The following CDH15 variants were observed in gnomAD, a reference collection of about 807,000 sequenced individuals.
The protein encoded by CDH15 is cadherin-15.
CDH15 carries 73 observed loss-of-function variants against 69.4 expected under a neutral mutation model. That is an observed-to-expected ratio of 1.05 (90% CI 0.87 to 1.28). The LOEUF (loss-of-function observed/expected upper bound fraction) is 1.28. Among genes scored for constraint, CDH15 ranks in the 50% most tolerant of loss-of-function variants. CDH15 has a pLI of 0.00. For missense variants in CDH15, 1,343 were observed against 1,133.6 expected, an observed-to-expected ratio of 1.18 and a Z score of -2.65; for synonymous variants, 624 against 507.7, an observed-to-expected ratio of 1.23 and a Z score of -3.08.
rs759339356 is a variant in CDH15 at position 89,191,373 on chromosome 16, G to A, written c.1276G>A (p.Ala426Thr). ...YDPEDWLQVD[A>T]ATGRIQTQHV... is the part of the protein sequence containing the mutation. ...CCCGGAAGACTGGCTGCAAGTGGAC[G>A]CAGCCACTGGCCGGATCCAGACCCA... Residue 426 changes from alanine to threonine, a missense_variant, in exon 9 of 14, where the codon GCA becomes ACA. By Grantham distance (58) the Ala-to-Thr change is moderately conservative. Transcript: ENST00000289746. The A allele has an allele frequency of 2.2e-5, 35 of 1,611,994 alleles. No homozygotes were observed. The Admixed American group carries it at 3.2e-4, about 15-fold the overall frequency.
intron 1 of CDH15, among the ~76,000 whole-genome samples, chr16:89,173,217 C>T (rs1282677831): frequency 6.6e-6 from 1 of 152,198 alleles, no homozygotes; most frequent in Non-Finnish European, 1.5e-5. Flanking sequence ...GGCTGGGGGG[C>T]TCCATGCCTC....
At position 89,174,034 on chromosome 16, in the gene CDH15, G is replaced by A. The variant is rs186670509; in HGVS notation, c.42+2161G>A. ...GGGGCCAGGCAGGGGCTCTTAGCTC[G>A]GGTGACTGTGACCAAGGCCAAGAAG... On this transcript the variant is annotated intron_variant, in intron 1 of 13. Transcript: ENST00000289746. Among the ~76,000 whole-genome samples, 495 of 152,318 alleles carry A rather than the reference G, an allele frequency of 3.2e-3. 3 individuals carry two copies. Among genetic ancestry groups the A allele is most frequent in the African/African-American group, 0.011 (461 of 41,540 alleles).
chr16:89,185,621 G>A (rs1382478987), intron 5 of CDH15: 4 of 516,160 alleles, frequency 7.7e-6, no homozygotes, highest in African/African-American at 1.9e-5. Context: ...TCATGGCAAC[G>A]GCTCCCCGCT....
Position 89,188,081 on chromosome 16 carries a change from G to C in CDH15, c.793-19G>C. The C allele has an allele frequency of 6.2e-7, 1 of 1,600,834 alleles. No homozygotes were observed. The highest frequency in any genetic ancestry group is 8.5e-7 in the Non-Finnish European group (1 of 1,174,480). The stretch of plus-strand genomic sequence containing the variant: ...CCCCCCAGCCCTGCTGGTAACTGGG[G>C]CTGGGATCCCCCACCCAGTTCTTCA... On this transcript the variant is annotated intron_variant, in intron 6 of 13. Coordinates refer to ENST00000289746, the MANE Select transcript of CDH15 (RefSeq NM_004933.3).
chr16:89,190,530 AGGCTAAC>A, intron 8 of CDH15, 34 bp downstream of exon 8: 2 of 1,567,378 alleles, frequency 1.3e-6, no homozygotes, highest in African/African-American at 1.3e-5. Context: ...GAGGTAGAGG[AGGCTAAC>A]GGCCCCATTC....
rs754400205 is a variant in CDH15 at position 89,171,812 on chromosome 16, C to G, written c.-20C>G. The G allele has an allele frequency of 5.8e-5, 90 of 1,549,320 alleles. No individual in the cohort carries two copies. The highest frequency in any genetic ancestry group is 5.0e-4 in the Middle Eastern group (3 of 5,992). On this transcript the variant is annotated 5_prime_UTR_variant, in exon 1 of 14. Coordinates refer to ENST00000289746, the MANE Select transcript of CDH15 (RefSeq NM_004933.3). ...TTCGGGTCGCGGGTGCACTCCGGCC[C>G]GGCTCCCGCCTCGGCCCCGATGGAC...
intron 10 of CDH15, 150 bp from the exon 11 acceptor site, chr16:89,192,055 C>T: frequency 2.7e-6 from 3 of 1,111,284 alleles, no homozygotes; most frequent in Non-Finnish European, 3.8e-6. Flanking sequence ...TCCCGTGGGG[C>T]AGGGTTACTC....
chr16:89,194,696 G>A (rs1303014845), intron 13 of CDH15, among the ~76,000 whole-genome samples, 166 bp from the exon 14 acceptor site: 1 of 152,202 alleles, frequency 6.6e-6, no homozygotes, highest in Non-Finnish European at 1.5e-5. Flanking sequence ...CCCTGCTGCT[G>A]TGCCCTCAGG....
intron 1 of CDH15, 120 bp downstream of exon 1, chr16:89,171,993 C>A: frequency 9.1e-7 from 1 of 1,096,964 alleles, no homozygotes; most frequent in Non-Finnish European, 1.3e-6. Flanking sequence ...CTTTGGGGGC[C>A]TGTGAGCGGA....
chr16:89,175,283 G>T (rs1404291423), intron 1 of CDH15, among the ~76,000 whole-genome samples: 1 of 152,256 alleles, frequency 6.6e-6, no homozygotes, highest in Non-Finnish European at 1.5e-5. Context: ...GGAAACGTCT[G>T]CCCGGGTGGG....
At chr16:89,188,970 CAT>C (rs1453683969) in intron 7 of CDH15, among the ~76,000 whole-genome samples, 1 of 147,910 alleles carries the variant, frequency 6.8e-6, no homozygotes, top group African/African-American at 2.5e-5. Flanking sequence ...TGCTGGCACA[CAT>C]AGATGCCCAC....
intron 3 of CDH15, among the ~76,000 whole-genome samples, chr16:89,180,914 G>A (rs1010607661): frequency 5.4e-5 from 8 of 149,462 alleles, no homozygotes; most frequent in Non-Finnish European, 1.0e-4. Flanking sequence ...TAGTAGAGAC[G>A]GGGTTTCACT....
chr16:89,187,739 G>A (rs1413299289), intron 6 of CDH15, among the ~76,000 whole-genome samples, 182 bp downstream of exon 6: 2 of 152,228 alleles, frequency 1.3e-5, no homozygotes, highest in Non-Finnish European at 2.9e-5. Context: ...GCGTGGCAGT[G>A]TGTGAATGGA....
chr16:89,184,379 C>A (rs534477930), intron 4 of CDH15, among the ~76,000 whole-genome samples: 1 of 152,212 alleles, frequency 6.6e-6, no homozygotes, highest in South Asian at 2.1e-4. Flanking sequence ...CACCCCACCT[C>A]GGTGGCTAAG....
chr16:89,185,187 A>G lies in CDH15; in HGVS notation c.517A>G (p.Arg173Gly). 2 of 1,601,640 alleles carry G rather than the reference A, an allele frequency of 1.2e-6. No individual in the cohort carries two copies. Among genetic ancestry groups the G allele is most frequent in the South Asian group, 2.2e-5 (2 of 89,312 alleles). The change falls in exon 5 of 14, where the codon AGG becomes GGG. Residue 173 changes from arginine (R) to glycine (G), a missense_variant. Coordinates refer to ENST00000289746, the MANE Select transcript of CDH15 (RefSeq NM_004933.3). ...EGAVPGTYVT[R>G]AEATDADDPE... ...GTGCTTCCCAGGCACCTATGTGACC[A>G]GGGCAGAGGCCACAGATGCCGACGA...
Position 89,195,345 on chromosome 16 carries a change from G to C in CDH15, c.*190G>C. The C allele has an allele frequency of 1.6e-6, 1 of 618,216 alleles. No homozygotes were observed. Among genetic ancestry groups the C allele is most frequent in the Non-Finnish European group, 2.8e-6 (1 of 361,660 alleles). The allele number at this position is 618,216 out of a possible 1,614,324, so 38.3% of individuals were successfully genotyped here. On this transcript the variant is annotated 3_prime_UTR_variant, in exon 14 of 14. Coordinates refer to ENST00000289746, the MANE Select transcript of CDH15 (RefSeq NM_004933.3). ...GCCAGGAAGAGGCCCCTTCCTGCCG[G>C]GGTGGGAAGAGTTTCTCTCCATCGG...
At chr16:89,181,149 A>G (rs1168776085) in intron 3 of CDH15, among the ~76,000 whole-genome samples, 1 of 151,934 alleles carries the variant, frequency 6.6e-6, no homozygotes, top group East Asian at 1.9e-4. Context: ...TTGTATTTTT[A>G]GTAGAGATGG....
intron 7 of CDH15, 116 bp from the exon 8 acceptor site, chr16:89,190,127 C>A: frequency 1.6e-6 from 2 of 1,232,154 alleles, no homozygotes; most frequent in Non-Finnish European, 1.2e-6. Flanking sequence ...TAAAAAGGGG[C>A]AGAAGGAAAG....
rs756843357 is a variant in CDH15 at position 89,180,335 on chromosome 16, G to A, written c.337G>A (p.Glu113Lys). ...CTTCCTCAATGCCATGCTGGACCGC[G>A]AGAAGACTGATCGCTTCAGGGTGCG... ...KVFLNAMLDR[E>K]KTDRFRLRAF... Residue 113 changes from glutamate (E) to lysine (K), a missense_variant, in exon 3 of 14, where the codon GAG becomes AAG. Transcript: ENST00000289746. The A allele has an allele frequency of 6.2e-7, 1 of 1,612,546 alleles. No homozygotes were observed. The highest frequency in any genetic ancestry group is 8.5e-7 in the Non-Finnish European group (1 of 1,179,596).
Sources: allele counts gnomAD v4.1 joint callset (sites outside exome capture counted in the v4.1 genomes callset), GRCh38; gene constraint gnomAD v4.1.1; transcripts MANE v1.5; gene names NCBI Gene and HGNC (gene_info 2026-07-23, HGNC 2026-07-21).